Variants in B3GLCT observed in about 807,000 individuals in gnomAD.
B3GLCT encodes the protein beta 3-glucosyltransferase, also known as beta-1,3-glucosyltransferase.
In B3GLCT, 65 loss-of-function variants were observed where a neutral mutation model predicts 63.4. That is an observed-to-expected ratio of 1.03 (90% CI 0.84 to 1.26). B3GLCT has a LOEUF of 1.26. Among genes scored for constraint, B3GLCT ranks in the 50% most tolerant of loss-of-function variants. B3GLCT has a pLI of 0.00. For missense variants in B3GLCT, 577 were observed against 604.8 expected, an observed-to-expected ratio of 0.95 and a Z score of 0.48; for synonymous variants, 233 against 219.2, an observed-to-expected ratio of 1.06 and a Z score of -0.55.
chr13:31,229,124 C>A, intron 3 of B3GLCT, 61 bp from the exon 4 acceptor site: 1 of 1,118,256 alleles, frequency 8.9e-7, no homozygotes, highest in Non-Finnish European at 1.3e-6. Flanking sequence ...CACTTGTTTT[C>A]AAGTTTATTT....
chr13:31,292,900 T>C (rs1323275216), intron 12 of B3GLCT, among the ~76,000 whole-genome samples: 2 of 152,168 alleles, frequency 1.3e-5, no homozygotes, highest in East Asian at 3.9e-4. Context: ...ATTGTGATGT[T>C]AGGATGTTAA....
chr13:31,295,862 T>C (rs971363438), intron 12 of B3GLCT, among the ~76,000 whole-genome samples: 1 of 152,126 alleles, frequency 6.6e-6, no homozygotes, highest in Non-Finnish European at 1.5e-5. Context: ...CACTGGGGTA[T>C]AAAAAAACTC....
At chr13:31,249,817 A>AT (rs1190214793) in intron 6 of B3GLCT, among the ~76,000 whole-genome samples, 2 of 152,154 alleles carry the variant, frequency 1.3e-5, no homozygotes, top group East Asian at 3.8e-4. Flanking sequence ...AACCAGTGTG[A>AT]TTTTTTTGTC....
intron 12 of B3GLCT, among the ~76,000 whole-genome samples, chr13:31,289,840 T>A (rs1358058354): frequency 2.0e-5 from 3 of 152,084 alleles, no homozygotes; most frequent in Non-Finnish European, 4.4e-5. Flanking sequence ...TATTGTTTTA[T>A]CTGACATTTT....
chr13:31,229,082 C>G, intron 3 of B3GLCT, 103 bp from the exon 4 acceptor site: 1 of 745,224 alleles, frequency 1.3e-6, no homozygotes, highest in Non-Finnish European at 2.3e-6. Flanking sequence ...TAAGAGTTTA[C>G]TGCCTGAAGG....
intron 2 of B3GLCT, among the ~76,000 whole-genome samples, chr13:31,219,117 A>T (rs1869698234): frequency 6.6e-6 from 1 of 152,118 alleles, no homozygotes; most frequent in African/African-American, 2.4e-5. Context: ...TCATTCTGAT[A>T]CCAAAACCTG....
chr13:31,273,471 C>A (rs1046703831), intron 8 of B3GLCT, among the ~76,000 whole-genome samples: 11 of 151,326 alleles, frequency 7.3e-5, no homozygotes, highest in African/African-American at 2.7e-4. Context: ...TAAAGTTTTT[C>A]TTTTCTTTAT....
chr13:31,328,172 T>C (rs542225714), intron 14 of B3GLCT, among the ~76,000 whole-genome samples: 1 of 152,338 alleles, frequency 6.6e-6, no homozygotes, highest in South Asian at 2.1e-4. Flanking sequence ...AGGCTGTTTC[T>C]AGGATTCAAT....
chr13:31,248,067 A>C (rs930618074), intron 6 of B3GLCT, 101 bp downstream of exon 6: 2 of 695,978 alleles, frequency 2.9e-6, no homozygotes, highest in African/African-American at 3.6e-5. Flanking sequence ...AAAACCACTT[A>C]GTTTAAAATT....
At chr13:31,297,831 T>C (rs1181530480) in intron 12 of B3GLCT, among the ~76,000 whole-genome samples, 1 of 152,190 alleles carries the variant, frequency 6.6e-6, no homozygotes, top group East Asian at 1.9e-4. Flanking sequence ...GGGAAATACT[T>C]TCTCACATTT....
intron 12 of B3GLCT, among the ~76,000 whole-genome samples, chr13:31,309,664 A>AGT (rs1206165118): frequency 6.6e-6 from 1 of 152,120 alleles, no homozygotes; most frequent in Non-Finnish European, 1.5e-5. Flanking sequence ...TGGGGGAAGG[A>AGT]GTGTGGAGCT....
chr13:31,250,495 A>G (rs1339789448), intron 6 of B3GLCT, among the ~76,000 whole-genome samples: 4 of 152,206 alleles, frequency 2.6e-5, no homozygotes, highest in African/African-American at 9.6e-5. Context: ...TTTAATAGAG[A>G]TAAAACACAG....
At chr13:31,257,197 C>CAGAGGTTTTAATCGTG in intron 6 of B3GLCT, among the ~76,000 whole-genome samples, 1 of 152,082 alleles carries the variant, frequency 6.6e-6, no homozygotes, top group East Asian at 1.9e-4. Context: ...TATTTGCAAC[C>CAGAGGTTTTAATCGTG]AGAGGTTTTA....
At chr13:31,272,805 ATTTTATG>A (rs1050790514) in intron 8 of B3GLCT, among the ~76,000 whole-genome samples, 8 of 152,082 alleles carry the variant, frequency 5.3e-5, no homozygotes, top group Non-Finnish European at 1.2e-4. Flanking sequence ...TATTGTCATT[ATTTTATG>A]CAGTTAACAT....
At chr13:31,287,617 C>A (rs919871717) in intron 12 of B3GLCT, among the ~76,000 whole-genome samples, 7 of 152,018 alleles carry the variant, frequency 4.6e-5, no homozygotes, top group African/African-American at 7.2e-5. Flanking sequence ...ATAATATCTG[C>A]CATCCAATCA....
chr13:31,254,449 A>G (rs1445789264), intron 6 of B3GLCT, among the ~76,000 whole-genome samples: 2 of 152,240 alleles, frequency 1.3e-5, no homozygotes, highest in East Asian at 3.8e-4. Context: ...AAGGCCTTTG[A>G]CAAAATTCAA....
intron 4 of B3GLCT, among the ~76,000 whole-genome samples, chr13:31,232,501 G>A (rs578192979): frequency 2.0e-5 from 3 of 152,250 alleles, no homozygotes; most frequent in South Asian, 2.1e-4. Context: ...GTACCAAGGG[G>A]GATGATGTTA....
Position 31,289,321 on chromosome 13 carries a change from C to A in B3GLCT, c.1064+2502C>A, listed in dbSNP as rs369686386. Among the ~76,000 whole-genome samples the A allele has an allele frequency of 1.0e-3, 158 of 151,966 alleles. 2 individuals carry two copies. In the East Asian group the frequency reaches 0.011, roughly 10 times the overall value. Reference sequence around the variant, plus strand: ...AGAGAGATCAAAAACTTTAGAAATCCTACTGAAGGACATAATTGATGAAAA... The same window carrying A: ...AGAGAGATCAAAAACTTTAGAAATCATACTGAAGGACATAATTGATGAAAA... On this transcript the variant is annotated intron_variant, in intron 12 of 14. Coordinates refer to ENST00000343307, the MANE Select transcript of B3GLCT (RefSeq NM_194318.4).
At chr13:31,320,179 C>G (rs1045801120) in intron 13 of B3GLCT, among the ~76,000 whole-genome samples, 6 of 152,250 alleles carry the variant, frequency 3.9e-5, no homozygotes, top group African/African-American at 1.4e-4. Context: ...CCCCTCTGCT[C>G]AGAGGCCCTC....
Sources: allele counts gnomAD v4.1 joint callset (sites outside exome capture counted in the v4.1 genomes callset), GRCh38; gene constraint gnomAD v4.1.1; transcripts MANE v1.5; gene names NCBI Gene and HGNC (gene_info 2026-07-23, HGNC 2026-07-21).